Variants in CLPB observed in about 807,000 individuals in gnomAD.
CLPB encodes the protein ClpB family mitochondrial disaggregase.
A neutral mutation model predicts 78.4 loss-of-function variants in CLPB; 40 were observed. That is an observed-to-expected ratio of 0.51 (90% CI 0.40 to 0.66). The LOEUF is 0.66. Among genes scored for constraint, CLPB ranks in the 30% least tolerant of loss-of-function variants. CLPB has a pLI of 0.00. For missense variants in CLPB, 780 were observed against 886.9 expected (o/e 0.88, Z 1.53); for synonymous variants, 333 against 348.0 (o/e 0.96, Z 0.48).
intron 2 of CLPB, among the ~76,000 whole-genome samples, chr11:72,411,067 A>C (rs1855863217): frequency 6.6e-6 from 1 of 152,260 alleles, no homozygotes; most frequent in Non-Finnish European, 1.5e-5. Flanking sequence ...TACAGTCCAC[A>C]GGTCTAACTT....
chr11:72,293,713 T>C (rs1949494177), intron 15 of CLPB, 98 bp from the exon 16 acceptor site: 6 of 1,399,800 alleles, frequency 4.3e-6, no homozygotes, highest in Non-Finnish European at 5.7e-6. Context: ...GAGACCTCCT[T>C]TGAGCCTGAG....
intron 1 of CLPB, 60 bp from the exon 2 acceptor site, chr11:72,430,423 C>T (rs1319813607): frequency 3.7e-5 from 55 of 1,493,076 alleles, no homozygotes; most frequent in South Asian, 4.8e-5. Flanking sequence ...CTCAGGACTG[C>T]GTGGAGGGCC....
chr11:72,323,238 G>A (rs1406141551), intron 6 of CLPB, among the ~76,000 whole-genome samples: 1 of 152,148 alleles, frequency 6.6e-6, no homozygotes, highest in African/African-American at 2.4e-5. Flanking sequence ...CCCAAATTGA[G>A]GGACATTTTA....
chr11:72,361,121 T>C, intron 4 of CLPB, among the ~76,000 whole-genome samples: 1 of 152,212 alleles, frequency 6.6e-6, no homozygotes, highest in East Asian at 1.9e-4. Flanking sequence ...TAACCTAATG[T>C]GGATGGAAGC....
At chr11:72,294,232 A>G in intron 14 of CLPB, 93 bp downstream of exon 14, 1 of 1,607,110 alleles carries the variant, frequency 6.2e-7, no homozygotes, top group Non-Finnish European at 8.5e-7. Context: ...ACTGTGCTCC[A>G]CCTTTTATGT....
intron 11 of CLPB, among the ~76,000 whole-genome samples, chr11:72,297,636 G>GGT (rs67807556): frequency 0.042 from 3,953 of 93,170 alleles, 283 homozygotes; most frequent in Non-Finnish European, 0.058. Flanking sequence ...TTGGGGACCA[G>GGT]GTGTGTGTGT....
intron 2 of CLPB, among the ~76,000 whole-genome samples, chr11:72,413,927 T>C (rs1171471204): frequency 6.6e-6 from 1 of 152,172 alleles, no homozygotes. Context: ...ATCCTTGCCT[T>C]CAAAGCATTC....
intron 3 of CLPB, among the ~76,000 whole-genome samples, chr11:72,383,223 C>A (rs76919420): frequency 0.017 from 2,595 of 151,678 alleles, 61 homozygotes; most frequent in African/African-American, 0.06. Context: ...TATAATCAAA[C>A]TATCAAAAAT....
chr11:72,430,554 T>C (rs1856515491), intron 1 of CLPB, 191 bp from the exon 2 acceptor site: 5 of 578,922 alleles, frequency 8.6e-6, no homozygotes, highest in Non-Finnish European at 1.5e-5. Context: ...CAACCTGACT[T>C]CCACACCTTT....
At chr11:72,389,062 G>C (rs1339913795) in intron 3 of CLPB, among the ~76,000 whole-genome samples, 2 of 152,186 alleles carry the variant, frequency 1.3e-5, no homozygotes, top group Non-Finnish European at 2.9e-5. Flanking sequence ...TAAACCAAGT[G>C]AGTAGCCAGA....
At chr11:72,336,381 C>G (rs1449959396) in intron 5 of CLPB, among the ~76,000 whole-genome samples, 1 of 152,160 alleles carries the variant, frequency 6.6e-6, no homozygotes, top group African/African-American at 2.4e-5. Flanking sequence ...GTTCCCATGA[C>G]TCAGCCCTTC....
intron 5 of CLPB, chr11:72,336,943 C>T (rs1030629451): frequency 5.0e-6 from 2 of 396,386 alleles, no homozygotes; most frequent in Non-Finnish European, 8.9e-6. Flanking sequence ...AGGCCCAGTT[C>T]TCTCCTCCTC....
At chr11:72,356,053 G>A (rs1022927106) in intron 5 of CLPB, among the ~76,000 whole-genome samples, 1 of 152,044 alleles carries the variant, frequency 6.6e-6, no homozygotes, top group Admixed American at 6.5e-5. Flanking sequence ...AGGCCGAGGC[G>A]GGCGGATCAC....
intron 11 of CLPB, among the ~76,000 whole-genome samples, chr11:72,300,067 C>T (rs543282420): frequency 2.2e-4 from 34 of 152,278 alleles, no homozygotes; most frequent in Middle Eastern, 3.4e-3. Flanking sequence ...TTCACTGAGA[C>T]GGACCTCGCT....
intron 5 of CLPB, chr11:72,357,060 A>C (rs1207011818): frequency 1.3e-5 from 2 of 152,230 alleles, no homozygotes; most frequent in Non-Finnish European, 2.9e-5. Flanking sequence ...CAGAAGCATC[A>C]GTCATCCCAA....
intron 5 of CLPB, chr11:72,355,481 C>A (rs1950695650): frequency 6.6e-6 from 1 of 152,200 alleles, no homozygotes; most frequent in Admixed American, 6.5e-5. Context: ...TAACAGGGAA[C>A]CTACCATGTG....
intron 4 of CLPB, among the ~76,000 whole-genome samples, chr11:72,375,490 G>T (rs1172775189): frequency 6.6e-6 from 1 of 152,112 alleles, no homozygotes; most frequent in Non-Finnish European, 1.5e-5. Flanking sequence ...CCTCTGCCTG[G>T]AAGGTCCATC....
At chr11:72,301,145 G>T (rs1274875730) in intron 11 of CLPB, among the ~76,000 whole-genome samples, 4 of 152,164 alleles carry the variant, frequency 2.6e-5, no homozygotes, top group African/African-American at 9.7e-5. Context: ...TGGCTGTAAC[G>T]TCTTTAGTAC....
intron 14 of CLPB, 55 bp from the exon 15 acceptor site, chr11:72,294,181 T>C: frequency 6.2e-7 from 1 of 1,606,592 alleles, no homozygotes; most frequent in Non-Finnish European, 8.5e-7. Flanking sequence ...TTTCCATCTC[T>C]TGCCACTCTG....
Sources: allele counts gnomAD v4.1 joint callset (sites outside exome capture counted in the v4.1 genomes callset), GRCh38; gene constraint gnomAD v4.1.1; transcripts MANE v1.5; gene names NCBI Gene and HGNC (gene_info 2026-07-23, HGNC 2026-07-21).